The following SCNN1B variants were observed in gnomAD, a reference collection of about 807,000 sequenced individuals.
SCNN1B encodes the protein epithelial sodium channel subunit beta.
SCNN1B carries 46 observed loss-of-function variants against 65.3 expected under a neutral mutation model. That is an observed-to-expected ratio of 0.70 (90% CI 0.56 to 0.90). The LOEUF (loss-of-function observed/expected upper bound fraction) is 0.90. Among genes scored for constraint, SCNN1B ranks in the 40% least tolerant of loss-of-function variants. The pLI is 0.00. For synonymous variants in SCNN1B, 349 were observed against 330.6 expected (o/e 1.06, Z -0.60); for missense variants, 751 against 830.5 (o/e 0.90, Z 1.18).
At chr16:23,311,557 A>C (rs1961344027) in intron 1 of SCNN1B, among the ~76,000 whole-genome samples, 1 of 152,144 alleles carries the variant, frequency 6.6e-6, no homozygotes, top group South Asian at 2.1e-4. Context: ...CCTGATTGGA[A>C]AACACTACCA....
rs548716121 is a variant in SCNN1B, at chr16:23,343,612, A to C, written c.-8-4980A>C. On this transcript the variant is annotated intron_variant, in intron 1 of 12. Coordinates refer to ENST00000343070, the MANE Select transcript of SCNN1B (RefSeq NM_000336.3). ...GAAAGAAAGAAAGAAAGAAAGAAAG[A>C]AAGAAAGAAAGAAAGAAAGAAAGAA... Among the ~76,000 whole-genome samples the C allele has an allele frequency of 4.8e-4, 60 of 124,344 alleles. 1 individual carries two copies. Among genetic ancestry groups the C allele is most frequent in the African/African-American group, 1.9e-3 (60 of 31,108 alleles). The allele number at this position is 124,344 out of a possible 152,430, so 81.6% of individuals were successfully genotyped here.
chr16:23,359,569 C>T (rs146164828), intron 4 of SCNN1B, among the ~76,000 whole-genome samples: 11 of 152,276 alleles, frequency 7.2e-5, no homozygotes, highest in East Asian at 1.9e-4. Context: ...TCTGCTCTCC[C>T]GGTGCTGGGC....
intron 1 of SCNN1B, among the ~76,000 whole-genome samples, chr16:23,316,571 ATCACCACCATCACCATCT>A (rs796710837): frequency 0.067 from 9,998 of 148,862 alleles, 1,133 homozygotes; most frequent in African/African-American, 0.24. Flanking sequence ...CATCCTCACC[ATCACCACCATCACCATCT>A]TCACCACCAT....
chr16:23,304,279 G>A (rs1961148340), intron 1 of SCNN1B, among the ~76,000 whole-genome samples: 1 of 142,610 alleles, frequency 7.0e-6, no homozygotes, highest in African/African-American at 2.6e-5. Context: ...ACACATGTGT[G>A]TACATATGCA....
At chr16:23,353,155 A>G (rs1962347671) in intron 3 of SCNN1B, 81 bp downstream of exon 3, 3 of 1,475,628 alleles carry the variant, frequency 2.0e-6, no homozygotes, top group Middle Eastern at 1.9e-4. Context: ...TAGTAATTTG[A>G]GTCTCGCTGG....
intron 4 of SCNN1B, among the ~76,000 whole-genome samples, chr16:23,359,764 G>T (rs185744256): frequency 2.4e-4 from 37 of 152,354 alleles, no homozygotes; most frequent in African/African-American, 8.9e-4. Flanking sequence ...ATGCTACTTA[G>T]CCTTTCTGTG....
At chr16:23,365,620 A>AGAAAGAGAGAGAGAAAGAAAGAAAGAAAG (rs11399911) in intron 4 of SCNN1B, among the ~76,000 whole-genome samples, 1 of 80,418 alleles carries the variant, frequency 1.2e-5, no homozygotes, top group Non-Finnish European at 2.8e-5. Flanking sequence ...AAAGAAAGAA[A>AGAAAGAGAGAGAGAAAGAAAGAAAGAAAG]AAAGAAAGAA....
chr16:23,304,017 C>T (rs1395613353), intron 1 of SCNN1B: 1 of 1,473,176 alleles, frequency 6.8e-7, no homozygotes. Flanking sequence ...TGCATATAAA[C>T]CCAGCTTATT....
chr16:23,284,773 A>G (rs1960828256), intron 2 of SCNN1B, among the ~76,000 whole-genome samples: 2 of 152,324 alleles, frequency 1.3e-5, no homozygotes, highest in East Asian at 1.9e-4. Context: ...CTTTCAGCCA[A>G]TTTCTGCCAA....
chr16:23,315,554 T>TG (rs1961436241), intron 1 of SCNN1B, among the ~76,000 whole-genome samples: 1 of 151,972 alleles, frequency 6.6e-6, no homozygotes, highest in Admixed American at 6.5e-5. Context: ...CTGTAATCCC[T>TG]GCACTTTGGC....
At chr16:23,335,050 TGG>T (rs1306346973) in intron 1 of SCNN1B, among the ~76,000 whole-genome samples, 1 of 152,236 alleles carries the variant, frequency 6.6e-6, no homozygotes, top group Non-Finnish European at 1.5e-5. Flanking sequence ...CTCTTTCCTG[TGG>T]ACATGTAAGC....
intron 1 of SCNN1B, among the ~76,000 whole-genome samples, chr16:23,328,808 T>C (rs149160099): frequency 9.2e-5 from 14 of 152,288 alleles, no homozygotes; most frequent in African/African-American, 3.1e-4. Flanking sequence ...TGTTTGTTTG[T>C]TTTTTGAGAC....
At chr16:23,340,197 A>G (rs988771293) in intron 1 of SCNN1B, among the ~76,000 whole-genome samples, 6 of 152,204 alleles carry the variant, frequency 3.9e-5, no homozygotes, top group African/African-American at 1.4e-4. Flanking sequence ...CCGCATAGAA[A>G]TTCTTTGTCA....
chr16:23,370,500 C>T (rs577358773), intron 5 of SCNN1B, among the ~76,000 whole-genome samples: 2 of 152,204 alleles, frequency 1.3e-5, no homozygotes, highest in Non-Finnish European at 2.9e-5. Context: ...GGACTCAACT[C>T]CACGTAGCTC....
At chr16:23,289,633 G>A (rs930903858) in intron 2 of SCNN1B, among the ~76,000 whole-genome samples, 2 of 150,106 alleles carry the variant, frequency 1.3e-5, no homozygotes, top group Non-Finnish European at 3.0e-5. Context: ...CCTACTGTAG[G>A]CATCCCCACA....
At chr16:23,374,783 G>C (rs1373383665) in intron 7 of SCNN1B, among the ~76,000 whole-genome samples, 1 of 151,732 alleles carries the variant, frequency 6.6e-6, no homozygotes, top group Non-Finnish European at 1.5e-5. Context: ...ACTCAGGAGC[G>C]CAGGTGTGGA....
At position 23,380,056 on chromosome 16, in the gene SCNN1B, G is replaced by T. The variant is rs572414109; in HGVS notation, c.1467-38G>T. ...TGTGTGTCTGTCTGTTTGGAAGGGG[G>T]ATACATTAGTCCCGGCCCTTCTCGC... is the stretch of plus-strand genomic sequence containing the variant. On this transcript the variant is annotated intron_variant, in intron 11 of 12. Transcript: ENST00000343070. This position sits in a 1 kb window ranked among gnomAD's most constrained non-coding sequence, Gnocchi z 5.4. The T allele has an allele frequency of 3.4e-6, 5 of 1,481,358 alleles. No individual in the cohort carries two copies. The highest frequency in any genetic ancestry group is 3.8e-6 in the Non-Finnish European group (4 of 1,058,990). The allele number at this position is 1,481,358 out of a possible 1,614,324, so 91.8% of individuals were successfully genotyped here. A position where few individuals can be genotyped will look rare whatever the true frequency, so the allele number is the denominator to read the frequency against.
chr16:23,371,687 T>C, intron 6 of SCNN1B, 89 bp from the exon 7 acceptor site: 3 of 1,205,348 alleles, frequency 2.5e-6, no homozygotes, highest in Non-Finnish European at 2.5e-6. Flanking sequence ...TCCACAGCCC[T>C]CTGTCCCCAA....
chr16:23,333,854 A>C (rs548329086), intron 1 of SCNN1B, among the ~76,000 whole-genome samples: 1 of 152,132 alleles, frequency 6.6e-6, no homozygotes, highest in Non-Finnish European at 1.5e-5. Context: ...AGACTCAGAG[A>C]GACCAACCTA....
Sources: allele counts gnomAD v4.1 joint callset (sites outside exome capture counted in the v4.1 genomes callset), GRCh38; gene constraint gnomAD v4.1.1; non-coding constraint Gnocchi (gnomAD v3.1); transcripts MANE v1.5; gene names NCBI Gene and HGNC (gene_info 2026-07-23, HGNC 2026-07-21).